CKAP2L: variants seen among roughly 807,000 people sequenced by gnomAD.
CKAP2L encodes cytoskeleton-associated protein 2-like.
A neutral mutation model predicts 65.7 loss-of-function variants in CKAP2L; 42 were observed. That is an observed-to-expected ratio of 0.64 (90% confidence interval 0.50 to 0.83). The LOEUF (loss-of-function observed/expected upper bound fraction) is 0.83, where lower values mean the gene tolerates loss of function less well. Among genes scored for constraint, CKAP2L ranks in the 40% least tolerant of loss-of-function variants. The pLI is 0.00. For missense variants in CKAP2L, 908 were observed against 871.0 expected, an observed-to-expected ratio of 1.04 and a Z score of -0.53; for synonymous variants, 325 against 313.5, an observed-to-expected ratio of 1.04 and a Z score of -0.39.
chr2:112,747,982 C>G (rs925370259), intron 5 of CKAP2L, among the ~76,000 whole-genome samples: 6 of 152,166 alleles, frequency 3.9e-5, no homozygotes, highest in African/African-American at 1.2e-4. Context: ...GCTGAAAATT[C>G]AGCTGTGAAA....
intron 6 of CKAP2L, among the ~76,000 whole-genome samples, chr2:112,743,292 AC>A (rs1680084027): frequency 6.6e-6 from 1 of 151,274 alleles, no homozygotes; most frequent in Non-Finnish European, 1.5e-5. Context: ...ACAGGCGCCC[AC>A]CACCACGCCC....
Position 112,756,323 on chromosome 2 carries a change from T to C in CKAP2L, c.1048A>G (p.Asn350Asp). ...CTGGACTTCTGATCTTGCTTGATGT[T>C]TGGATGTCTGTTGTTATATTCACCC... ...LQGEYNNRHPNIKQDQKSSQV... is the reference protein window; with the variant it reads ...LQGEYNNRHPDIKQDQKSSQV... The change falls in exon 4 of 9, where the codon AAC (asparagine) becomes GAC (aspartate). Residue 350 changes from asparagine to aspartate, a missense_variant. Coordinates refer to ENST00000302450, the MANE Select transcript of CKAP2L (RefSeq NM_152515.5). 1 of 1,613,878 alleles carries C rather than the reference T, an allele frequency of 6.2e-7. No homozygotes were observed. Among genetic ancestry groups the C allele is most frequent in the Non-Finnish European group, 8.5e-7 (1 of 1,179,862 alleles).
At position 112,756,815 on chromosome 2, in the gene CKAP2L, C is replaced by T. The variant is rs1558762342; in HGVS notation, c.556G>A (p.Glu186Lys). 6.2e-7 allele frequency: 1 copy of T among 1,602,384 alleles called. No individual in the cohort carries two copies. Among genetic ancestry groups the T allele is most frequent in the Admixed American group, 1.8e-5 (1 of 56,824 alleles). The change falls in exon 4 of 9, where the codon GAG becomes AAG. Residue 186 changes from glutamate to lysine, a missense_variant. Glu to Lys is a moderately conservative substitution (Grantham distance 56). Coordinates refer to ENST00000302450, the MANE Select transcript of CKAP2L (RefSeq NM_152515.5). ...TCTGTTAAGATATCGAGCAAGTTCT[C>T]TTTGTTTGTTTCTTTTAGAAAGTTA... ...LDNFLKETNK[E>K]NLLDILTEPE...
chr2:112,747,033 C>T (rs897720056), intron 5 of CKAP2L, among the ~76,000 whole-genome samples: 9 of 151,936 alleles, frequency 5.9e-5, no homozygotes, highest in African/African-American at 1.9e-4. Context: ...TCGTGATCCG[C>T]CCACCTCAGC....
At chr2:112,740,239 C>T (rs926797568) in intron 8 of CKAP2L, among the ~76,000 whole-genome samples, 14 of 152,052 alleles carry the variant, frequency 9.2e-5, no homozygotes, top group African/African-American at 1.5e-4. Context: ...GGAAGAGATT[C>T]GGCTGTGCTT....
Position 112,740,823 on chromosome 2 carries a change from G to T in CKAP2L, c.2007C>A (p.Ile669=). The T allele has an allele frequency of 5.0e-6, 8 of 1,608,384 alleles. No individual in the cohort carries two copies. The highest frequency in any genetic ancestry group is 6.8e-6 in the Non-Finnish European group (8 of 1,175,466). Residue 669 remains isoleucine (I), a synonymous_variant, in exon 8 of 9, where the codon ATC becomes ATA. Coordinates refer to ENST00000302450, the MANE Select transcript of CKAP2L (RefSeq NM_152515.5). ...YPGIKLQIGP[I]PRINGMPEVQ... is the part of the protein sequence containing the mutation. Reference sequence around the variant, plus strand: ...CTGCTTTAGAGTTTGCTTACCTAGGGATTGGACCAATCTGTAATTTGATAC... The same window carrying T: ...CTGCTTTAGAGTTTGCTTACCTAGGTATTGGACCAATCTGTAATTTGATAC...
At position 112,744,844 on chromosome 2, in the gene CKAP2L, A is replaced by G. The variant is rs574310673; in HGVS notation, c.1758+1576T>C. Among the ~76,000 whole-genome samples, 13 of 152,320 alleles carry G rather than the reference A, an allele frequency of 8.5e-5. No homozygotes were observed. The South Asian group carries it at 2.7e-3, about 32-fold the overall frequency. The stretch of plus-strand genomic sequence containing the variant: ...TCTCGGGCTTTAAATAAGCTTTTTC[A>G]GACCCACCTTTTATATGTGCAAACA... On this transcript the variant is annotated intron_variant, in intron 6 of 8. Coordinates refer to ENST00000302450, the MANE Select transcript of CKAP2L (RefSeq NM_152515.5).
intron 7 of CKAP2L, among the ~76,000 whole-genome samples, chr2:112,741,303 CAA>C (rs1679946553): frequency 6.6e-6 from 1 of 152,208 alleles, no homozygotes; most frequent in East Asian, 1.9e-4. Flanking sequence ...TATTCACTCT[CAA>C]GAGAGCTCTC....
intron 4 of CKAP2L, among the ~76,000 whole-genome samples, chr2:112,752,986 A>G (rs1007545692): frequency 6.6e-6 from 1 of 152,206 alleles, no homozygotes; most frequent in African/African-American, 2.4e-5. Flanking sequence ...CTATAAAGTC[A>G]GGGCTCTTAA....
At chr2:112,742,312 G>C (rs925102196) in intron 7 of CKAP2L, 1 of 706,260 alleles carries the variant, frequency 1.4e-6, no homozygotes, top group Non-Finnish European at 2.6e-6. Context: ...AGATTCCTGA[G>C]ATAGCTATTT....
intron 7 of CKAP2L, among the ~76,000 whole-genome samples, chr2:112,741,992 G>A (rs1326904799): frequency 9.1e-6 from 1 of 109,982 alleles, no homozygotes; most frequent in East Asian, 2.8e-4. Context: ...GTTTCACCAC[G>A]TTGGTCAGGC....
chr2:112,749,156 G>A (rs1680293720), intron 5 of CKAP2L, among the ~76,000 whole-genome samples: 1 of 152,124 alleles, frequency 6.6e-6, no homozygotes, highest in African/African-American at 2.4e-5. Flanking sequence ...ATTTAACTGT[G>A]TGCATTTATA....
chr2:112,746,542 A>T lies in CKAP2L; in HGVS notation c.1636T>A (p.Ser546Thr). 6.2e-7 allele frequency: 1 copy of T among 1,612,856 alleles called. No homozygotes were observed. The change falls in exon 6 of 9, where the codon TCC becomes ACC. Residue 546 changes from serine to threonine, a missense_variant. Ser to Thr is a moderately conservative substitution (Grantham distance 58). Coordinates refer to ENST00000302450, the MANE Select transcript of CKAP2L (RefSeq NM_152515.5). ...VPSNEILNILSSIPEAEKFAK... is the reference protein window; with the variant it reads ...VPSNEILNILTSIPEAEKFAK... ...AATTTTTCAGCTTCAGGAATGCTGG[A>T]CAATATGTTAAGTATTTCATTAGAA...
chr2:112,739,138 G>A lies in CKAP2L; in HGVS notation c.2013-90C>T, dbSNP rs1679659356. 24 of 1,013,626 alleles carry A rather than the reference G, an allele frequency of 2.4e-5. No individual in the cohort carries two copies. The South Asian group carries it at 3.5e-4, about 15-fold the overall frequency. The allele number at this position is 1,013,626 out of a possible 1,614,324, so 62.8% of individuals were successfully genotyped here. ...TGTTTCTTATTCAATAATAAAACAGGGAAGACATTTTAACATAGGGTGATA... is the reference window on the plus strand; with the variant it reads ...TGTTTCTTATTCAATAATAAAACAGAGAAGACATTTTAACATAGGGTGATA... On this transcript the variant is annotated intron_variant, in intron 8 of 8. Coordinates refer to ENST00000302450, the MANE Select transcript of CKAP2L (RefSeq NM_152515.5).
rs1221545057 is a variant in CKAP2L at position 112,740,955 on chromosome 2, C to A, written c.1875G>T (p.Glu625Asp). ...VAETSITSVE[E>D]LAKKMESVKS... ...TCACAGATTCCATCTTCTTGGCCAG[C>A]TCTTCCACTGATGTTATACTAGTTT... Residue 625 changes from glutamate to aspartate, a missense_variant, in exon 8 of 9, where the codon GAG becomes GAT. Transcript: ENST00000302450. The A allele has an allele frequency of 1.9e-6, 3 of 1,613,908 alleles. No individual in the cohort carries two copies. The South Asian group carries it at 3.3e-5, about 18-fold the overall frequency.
intron 3 of CKAP2L, 82 bp from the exon 4 acceptor site, chr2:112,757,296 G>A (rs1680572002): frequency 1.1e-6 from 1 of 921,794 alleles, no homozygotes; most frequent in East Asian, 2.9e-5. Flanking sequence ...TTTAACACAT[G>A]CTAAAAAAAA....
rs766585648 is a variant in CKAP2L at position 112,746,574 on chromosome 2, C to T, written c.1604G>A (p.Gly535Asp). The T allele has an allele frequency of 1.6e-5, 25 of 1,604,290 alleles. No homozygotes were observed. Among genetic ancestry groups the T allele is most frequent in the Non-Finnish European group, 2.0e-5 (23 of 1,173,366 alleles). The stretch of plus-strand genomic sequence containing the variant: ...GTTAAGTATTTCATTAGAAGGTACA[C>T]CCTGAAATAAACCAAAATATCCAGA... Reference protein sequence around the residue: ...LTECLNLIEGGVPSNEILNIL... With the variant: ...LTECLNLIEGDVPSNEILNIL... The change falls in exon 6 of 9, where the codon GGT becomes GAT. Residue 535 changes from glycine to aspartate, a missense_variant and splice_region_variant. Transcript: ENST00000302450.
At chr2:112,760,333 C>A (rs562675963) in intron 3 of CKAP2L, among the ~76,000 whole-genome samples, 6 of 152,272 alleles carry the variant, frequency 3.9e-5, no homozygotes, top group African/African-American at 1.2e-4. Flanking sequence ...AATAGCTATA[C>A]GACCTATTTA....
At chr2:112,755,798 T>TATAAGACTTG (rs1356250420) in intron 4 of CKAP2L, among the ~76,000 whole-genome samples, 179 bp downstream of exon 4, 1 of 152,214 alleles carries the variant, frequency 6.6e-6, no homozygotes, top group African/African-American at 2.4e-5. Flanking sequence ...CATGTGTATG[T>TATAAGACTTG]ACCACCTAGC....
Sources: allele counts gnomAD v4.1 joint callset (sites outside exome capture counted in the v4.1 genomes callset), GRCh38; gene constraint gnomAD v4.1.1; transcripts MANE v1.5; gene names NCBI Gene and HGNC (gene_info 2026-07-23, HGNC 2026-07-21).